Variants in DHX57 observed in about 807,000 individuals in gnomAD.
DHX57 encodes the protein DExH-box helicase 57.
Under a neutral mutation model 156.2 loss-of-function variants are expected in DHX57, and 105 were observed. The observed-to-expected ratio is 0.67, with a 90% CI of 0.57 to 0.79. The LOEUF (loss-of-function observed/expected upper bound fraction) is 0.79, where lower values mean the gene tolerates loss of function less well. DHX57 is among the 30% of genes least tolerant of loss of function. DHX57 has a pLI of 0.00. For missense variants in DHX57, 1,847 were observed against 1,661.9 expected, an observed-to-expected ratio of 1.11 and a Z score of -1.94; for synonymous variants, 704 against 595.6, an observed-to-expected ratio of 1.18 and a Z score of -2.65.
At chr2:38,840,255 T>C (rs1238113510) in intron 12 of DHX57, among the ~76,000 whole-genome samples, 2 of 152,182 alleles carry the variant, frequency 1.3e-5, no homozygotes, top group Non-Finnish European at 2.9e-5. Context: ...AAATCAATAA[T>C]ATATTTTAAA....
intron 6 of DHX57, among the ~76,000 whole-genome samples, chr2:38,857,743 G>A (rs186772903): frequency 9.7e-4 from 148 of 152,308 alleles, no homozygotes; most frequent in African/African-American, 3.2e-3. Context: ...CATGTGAATG[G>A]GGTAAAAACA....
intron 9 of DHX57, among the ~76,000 whole-genome samples, chr2:38,851,143 A>G (rs543505683): frequency 6.6e-6 from 1 of 152,280 alleles, no homozygotes; most frequent in Admixed American, 6.5e-5. Context: ...CAACAAAACT[A>G]TATAATCCCA....
intron 21 of DHX57, chr2:38,810,566 T>C (rs1268713977): frequency 6.9e-6 from 4 of 582,684 alleles, no homozygotes; most frequent in Non-Finnish European, 1.3e-5. Flanking sequence ...TGCTCTCCAC[T>C]GTAGAGAGAC....
At chr2:38,813,471 T>C (rs1469959228) in intron 21 of DHX57, among the ~76,000 whole-genome samples, 2 of 150,222 alleles carry the variant, frequency 1.3e-5, no homozygotes, top group Non-Finnish European at 3.0e-5. Flanking sequence ...CCCGGGTTCA[T>C]GCCATTCTCC....
At position 38,810,800 on chromosome 2, in the gene DHX57, G is replaced by T. The variant is rs1461178164; in HGVS notation, c.3681+3021C>A. 6.6e-6 allele frequency: 5 copies of T among 752,502 alleles called. No homozygotes were observed. The East Asian group carries it at 1.3e-4, about 20-fold the overall frequency. The allele number at this position is 752,502 out of a possible 1,614,324, so 46.6% of individuals were successfully genotyped here. ...GCAAAGCCCTCAATGTCTAAATGAG[G>T]GTGGTAAAGGATGGTGCCTGCTGGG... On this transcript the variant is annotated intron_variant, in intron 21 of 23. Coordinates refer to ENST00000457308, the MANE Select transcript of DHX57 (RefSeq NM_198963.3).
chr2:38,823,094 CG>C lies in DHX57; in HGVS notation c.3189del (p.Val1064TrpfsTer3), dbSNP rs1468270963. Reference protein sequence around the residue: ...TPLGYHLASLPVDVRIGKLML... With the variant: ...TPLGYHLASLXVDVRIGKLML... Reference sequence around the variant, plus strand: ...ATTAGTTTGCCAATTCTCACATCCACGGGCAGAGAGGCCAAATGATACCCAA... The same window carrying C: ...ATTAGTTTGCCAATTCTCACATCCACGGCAGAGAGGCCAAATGATACCCAA... On this transcript the variant is annotated frameshift_variant, in exon 17 of 24. Coordinates refer to ENST00000457308, the MANE Select transcript of DHX57 (RefSeq NM_198963.3). LOFTEE classifies it high-confidence loss of function. 6.2e-7 allele frequency: 1 copy of C among 1,614,030 alleles called. No homozygotes were observed. The highest frequency in any genetic ancestry group is 1.3e-5 in the African/African-American group (1 of 74,924).
chr2:38,863,523 T>C lies in DHX57; in HGVS notation c.225-4A>G, dbSNP rs1458206725. On this transcript the variant is annotated splice_polypyrimidine_tract_variant and splice_region_variant and intron_variant, in intron 2 of 23. Transcript: ENST00000457308. ...GCTTATGTTACTGTTGCTAGGTCTA[T>C]AGAGAACAAAAGAGCAAAATTACAC... is the stretch of plus-strand genomic sequence containing the variant. 10 of 1,608,228 alleles carry C rather than the reference T, an allele frequency of 6.2e-6. No homozygotes were observed. The African/African-American group carries it at 8.1e-5, about 13-fold the overall frequency.
intron 19 of DHX57, among the ~76,000 whole-genome samples, chr2:38,817,331 T>C (rs751911970): frequency 2.6e-5 from 4 of 152,192 alleles, no homozygotes; most frequent in Admixed American, 6.5e-5. Flanking sequence ...TATTTATTTT[T>C]TGAGACAAAG....
intron 21 of DHX57, chr2:38,810,331 G>C: frequency 2.5e-6 from 1 of 401,488 alleles, no homozygotes; most frequent in East Asian, 6.4e-5. Context: ...TACACTCTTA[G>C]CCAGGGAGAA....
At chr2:38,806,835 G>A (rs1572617985) in intron 21 of DHX57, 142 bp from the exon 22 acceptor site, 1 of 754,174 alleles carries the variant, frequency 1.3e-6, no homozygotes, top group Non-Finnish European at 1.9e-6. Flanking sequence ...TTCTTATTTT[G>A]TTTCCTTCTG....
At chr2:38,835,131 C>A (rs1671584898) in intron 13 of DHX57, among the ~76,000 whole-genome samples, 1 of 152,052 alleles carries the variant, frequency 6.6e-6, no homozygotes, top group African/African-American at 2.4e-5. Context: ...TCCCAGATGC[C>A]ATTAAGAAAA....
At chr2:38,798,929 C>A (rs986453633) in intron 23 of DHX57, among the ~76,000 whole-genome samples, 3 of 150,770 alleles carry the variant, frequency 2.0e-5, no homozygotes, top group African/African-American at 7.3e-5. Context: ...GGTGACATAG[C>A]GAGACTCTGT....
In DHX57 at chr2:38,798,258, C is replaced by G; in HGVS notation, c.*41G>C. The G allele has an allele frequency of 1.3e-6, 2 of 1,581,198 alleles. No homozygotes were observed. The highest frequency in any genetic ancestry group is 1.7e-6 in the Non-Finnish European group (2 of 1,165,054). ...GTTCTGCTGTTATTTCCCAGGTGAG[C>G]TAGAAGCAGGTGAGTAGCAAGCACT... On this transcript the variant is annotated 3_prime_UTR_variant, in exon 24 of 24. Transcript: ENST00000457308.
At chr2:38,811,698 T>C in intron 21 of DHX57, 2 of 879,580 alleles carry the variant, frequency 2.3e-6, no homozygotes, top group Non-Finnish European at 3.5e-6. Context: ...CTGGAATCTG[T>C]CTTCATGGCT....
Position 38,823,071 on chromosome 2 carries a change from T to A in DHX57, c.3213A>T (p.Leu1071=), listed in dbSNP as rs774934247. ...SLPVDVRIGK[L]MLFGSIFRCL... ...AGCGGAAGATAGACCCAAACAACAT[T>A]AGTTTGCCAATTCTCACATCCACGG... Residue 1071 remains leucine (L), a synonymous_variant, in exon 17 of 24, where the codon CTA becomes CTT. Coordinates refer to ENST00000457308, the MANE Select transcript of DHX57 (RefSeq NM_198963.3). 1.2e-6 allele frequency: 2 copies of A among 1,613,978 alleles called. No homozygotes were observed. Among genetic ancestry groups the A allele is most frequent in the Non-Finnish European group, 1.7e-6 (2 of 1,180,024 alleles).
rs546363781 is a variant in DHX57, at chr2:38,858,811, C to T, written c.1437G>A (p.Glu479=). Residue 479 remains glutamate (E), a synonymous_variant, in exon 6 of 24, where the codon GAG becomes GAA. Coordinates refer to ENST00000457308, the MANE Select transcript of DHX57 (RefSeq NM_198963.3). ...PEVEKASESE[E]SDEDDGPAPV... is the part of the protein sequence containing the mutation. ...GTGCAGGACCGTCATCCTCATCTGA[C>T]TCCTCAGATTCTGATGCTTTTTCAA... The T allele has an allele frequency of 6.2e-7, 1 of 1,612,006 alleles. No homozygotes were observed. Among genetic ancestry groups the T allele is most frequent in the South Asian group, 1.1e-5 (1 of 90,396 alleles).
intron 17 of DHX57, among the ~76,000 whole-genome samples, chr2:38,822,688 C>T (rs1020377378): frequency 2.0e-5 from 3 of 152,234 alleles, no homozygotes; most frequent in African/African-American, 7.2e-5. Flanking sequence ...AGCCACCGCG[C>T]TTGGCCTGGA....
Position 38,817,228 on chromosome 2 carries a change from G to C in DHX57, c.3472-1573C>G, listed in dbSNP as rs528976267. Among the ~76,000 whole-genome samples, 4 of 152,138 alleles carry C rather than the reference G, an allele frequency of 2.6e-5. No individual in the cohort carries two copies. The East Asian group carries it at 7.7e-4, about 29-fold the overall frequency. On this transcript the variant is annotated intron_variant, in intron 19 of 23. Coordinates refer to ENST00000457308, the MANE Select transcript of DHX57 (RefSeq NM_198963.3). ...ATTATAGGCATGAGCCACTGCGCAG[G>C]GTCCCAAAATCTTTGAGTAAAACAT... is the stretch of plus-strand genomic sequence containing the variant.
intron 6 of DHX57, among the ~76,000 whole-genome samples, chr2:38,857,380 G>A (rs1672954776): frequency 6.6e-6 from 1 of 152,120 alleles, no homozygotes; most frequent in Non-Finnish European, 1.5e-5. Flanking sequence ...AAATTGCCTT[G>A]TTTGTTAAAA....
Sources: gnomAD v4.1 joint callset for allele counts (sites outside exome capture counted in the v4.1 genomes callset) on GRCh38, gnomAD v4.1.1 for gene constraint, MANE v1.5 for transcripts, NCBI Gene and HGNC (gene_info 2026-07-23, HGNC 2026-07-21) for gene names.